The following PHACTR2 variants were observed in gnomAD, a reference collection of about 807,000 sequenced individuals.
The protein encoded by PHACTR2 is phosphatase and actin regulator 2, also known as chromosome 6 open reading frame 56.
A neutral mutation model predicts 76.0 loss-of-function variants in PHACTR2; 30 were observed. The ratio of observed to expected loss-of-function variants is 0.39; its 90% confidence interval spans 0.30 to 0.54. The LOEUF is 0.54. Ranked by LOEUF, PHACTR2 falls within the 20% of genes least tolerant of loss-of-function variation. The probability of loss-of-function intolerance (pLI) is 0.61; values close to 1 mark genes in which losing one functional copy is unlikely to be tolerated. For missense variants in PHACTR2, 696 were observed against 781.1 expected (o/e 0.89, Z 1.30); for synonymous variants, 292 against 292.5 (o/e 1.00, Z 0.02).
Position 143,816,111 on chromosome 6 carries a change from C to T in PHACTR2, c.1923-7563C>T, listed in dbSNP as rs1057246663. ...AATATGTATGACTTTAGATTGGAGT[C>T]TCAGGAAAGTTCTGAAAAGAGGGTG... On this transcript the variant is annotated intron_variant, in intron 12 of 12. Transcript: ENST00000440869. The surrounding 1 kb of genome is among the most constrained non-coding windows in gnomAD (Gnocchi z 4.5). Among the ~76,000 whole-genome samples, 2 of 151,932 alleles carry T rather than the reference C, an allele frequency of 1.3e-5. No individual in the cohort carries two copies. Among genetic ancestry groups the T allele is most frequent in the Non-Finnish European group, 2.9e-5 (2 of 68,012 alleles).
rs1179230545 is a variant in PHACTR2, at chr6:143,708,042, C to T, written c.47-3974C>T. Among the ~76,000 whole-genome samples the T allele has an allele frequency of 6.6e-6, 1 of 152,128 alleles. No individual in the cohort carries two copies. The highest frequency in any genetic ancestry group is 1.5e-5 in the Non-Finnish European group (1 of 68,026). ...ACTCTGCCACCATGATCCATACCTC[C>T]CACCAGGCTCCACCTCCAACACTGA... On this transcript the variant is annotated intron_variant, in intron 1 of 12. Coordinates refer to ENST00000440869, the MANE Select transcript of PHACTR2 (RefSeq NM_001100164.2). The surrounding 1 kb of genome is among the most constrained non-coding windows in gnomAD (Gnocchi z 5.5).
Position 143,683,844 on chromosome 6 carries a change from T to C in PHACTR2, c.46+5635T>C, listed in dbSNP as rs9403523. 0.22 allele frequency among the ~76,000 whole-genome samples: 32,985 copies of C among 152,132 alleles called. 3,786 individuals carry two copies. The highest frequency in any genetic ancestry group is 0.37 in the East Asian group (1,921 of 5,176). ...GAATCCTCCAGTCCCACTTTTCATCTATAACCCAGCATGAACAGTTTTTTT... is the reference window on the plus strand; with the variant it reads ...GAATCCTCCAGTCCCACTTTTCATCCATAACCCAGCATGAACAGTTTTTTT... On this transcript the variant is annotated intron_variant, in intron 1 of 12. Coordinates refer to ENST00000440869, the MANE Select transcript of PHACTR2 (RefSeq NM_001100164.2). The surrounding 1 kb of genome is among the most constrained non-coding windows in gnomAD (Gnocchi z 4.1).
At position 143,689,753 on chromosome 6, in the gene PHACTR2, C is replaced by T. The variant is rs1229833451; in HGVS notation, c.46+11544C>T. On this transcript the variant is annotated intron_variant, in intron 1 of 12. Transcript: ENST00000440869. This position sits in a 1 kb window ranked among gnomAD's most constrained non-coding sequence, Gnocchi z 4.4. ...TGTTGCCCAGGCTGGAGTGCAGTGG[C>T]CTGATTTCAGCTCACTGCAACCTCC... Among the ~76,000 whole-genome samples the T allele has an allele frequency of 2.0e-5, 3 of 149,004 alleles. No individual in the cohort carries two copies. The East Asian group carries it at 5.9e-4, about 29-fold the overall frequency.
In PHACTR2 at chr6:143,789,793, T is replaced by C. The variant is rs1464145347; in HGVS notation, c.1845+883T>C. Among the ~76,000 whole-genome samples the C allele has an allele frequency of 6.6e-6, 1 of 152,194 alleles. No individual in the cohort carries two copies. Among genetic ancestry groups the C allele is most frequent in the African/African-American group, 2.4e-5 (1 of 41,448 alleles). ...GCTTCATTATTTAAAATACCTGCTA[T>C]GCATCAAGCATATACTGGAGATACA... On this transcript the variant is annotated intron_variant, in intron 11 of 12. Transcript: ENST00000440869. This position sits in a 1 kb window ranked among gnomAD's most constrained non-coding sequence, Gnocchi z 5.1.
At chr6:143,694,999 G>T (rs776809135) in intron 1 of PHACTR2, among the ~76,000 whole-genome samples, 4 of 152,144 alleles carry the variant, frequency 2.6e-5, no homozygotes, top group Non-Finnish European at 5.9e-5. Context: ...ATTGAAAAAG[G>T]TCCCTCAAGC....
Position 143,770,128 on chromosome 6 carries a change from A to C in PHACTR2, c.1233-2130A>C, listed in dbSNP as rs1282212725. Among the ~76,000 whole-genome samples the C allele has an allele frequency of 2.0e-5, 3 of 152,230 alleles. No homozygotes were observed. In the East Asian group the frequency reaches 5.8e-4, roughly 29 times the overall value. Reference sequence around the variant, plus strand: ...GTATTGATTGGTGAATGGATAAACAAAATGTGTTATATACATAGAGTGGAA... The same window carrying C: ...GTATTGATTGGTGAATGGATAAACACAATGTGTTATATACATAGAGTGGAA... On this transcript the variant is annotated intron_variant, in intron 6 of 12. Transcript: ENST00000440869.
Position 143,783,407 on chromosome 6 carries a change from T to C in PHACTR2, c.1707+127T>C, listed in dbSNP as rs1298456639. The C allele has an allele frequency of 3.6e-6, 2 of 551,514 alleles. No individual in the cohort carries two copies. The highest frequency in any genetic ancestry group is 6.4e-6 in the Non-Finnish European group (2 of 312,092). The allele number at this position is 551,514 out of a possible 1,614,324, so 34.2% of individuals were successfully genotyped here. ...AATTATTCCTATTAGTCTATAATCA[T>C]AGACATCAAAATCACAAGCCTGGGC... On this transcript the variant is annotated intron_variant, in intron 10 of 12. Coordinates refer to ENST00000440869, the MANE Select transcript of PHACTR2 (RefSeq NM_001100164.2). This position sits in a 1 kb window ranked among gnomAD's most constrained non-coding sequence, Gnocchi z 5.2.
intron 1 of PHACTR2, among the ~76,000 whole-genome samples, chr6:143,576,613 A>C (rs559744362): frequency 1.3e-5 from 2 of 152,340 alleles, no homozygotes; most frequent in African/African-American, 2.4e-5. Flanking sequence ...GCGGTGGCTC[A>C]GGCCTGTAAT....
At position 143,730,769 on chromosome 6, in the gene PHACTR2, A is replaced by G. The variant is rs913108427; in HGVS notation, c.215-18216A>G. Among the ~76,000 whole-genome samples, 1 of 152,108 alleles carries G rather than the reference A, an allele frequency of 6.6e-6. No homozygotes were observed. Among genetic ancestry groups the G allele is most frequent in the African/African-American group, 2.4e-5 (1 of 41,436 alleles). ...TTTTGTGTGTGTTTGTTTGTTTGAG[A>G]CGGAGTCTTGCTCTGTGGCCCAGGC... is the stretch of plus-strand genomic sequence containing the variant. On this transcript the variant is annotated intron_variant, in intron 2 of 12. Transcript: ENST00000440869. The surrounding 1 kb of genome is among the most constrained non-coding windows in gnomAD (Gnocchi z 4.8).
At chr6:143,706,143 T>C (rs989454363) in intron 1 of PHACTR2, among the ~76,000 whole-genome samples, 1 of 152,170 alleles carries the variant, frequency 6.6e-6, no homozygotes, top group Admixed American at 6.5e-5. Flanking sequence ...TTAACCTACC[T>C]CCTCCCATCA....
At position 143,712,196 on chromosome 6, in the gene PHACTR2, T is replaced by C. The variant is rs1209700940; in HGVS notation, c.214+13T>C. ...GAAACCTCGGCAGGTATGAGTATCA[T>C]AACTTGTTAGAAGATGGGATAAATT... On this transcript the variant is annotated intron_variant, in intron 2 of 12. Transcript: ENST00000440869. The C allele has an allele frequency of 7.0e-7, 1 of 1,422,356 alleles. No homozygotes were observed. The highest frequency in any genetic ancestry group is 9.3e-7 in the Non-Finnish European group (1 of 1,079,598). The allele number at this position is 1,422,356 out of a possible 1,614,324, so 88.1% of individuals were successfully genotyped here. A position where few individuals can be genotyped will look rare whatever the true frequency, so the allele number is the denominator to read the frequency against.
chr6:143,754,050 G>C lies in PHACTR2; in HGVS notation c.454+138G>C. ...TTACAAATAGAAAAAAGAAAGAAATGATAACTAGTAAAGTGAAATCGGATG... is the reference window on the plus strand; with the variant it reads ...TTACAAATAGAAAAAAGAAAGAAATCATAACTAGTAAAGTGAAATCGGATG... On this transcript the variant is annotated intron_variant, in intron 4 of 12. Coordinates refer to ENST00000440869, the MANE Select transcript of PHACTR2 (RefSeq NM_001100164.2). This position sits in a 1 kb window ranked among gnomAD's most constrained non-coding sequence, Gnocchi z 6.2. 2.1e-6 allele frequency: 1 copy of C among 470,558 alleles called. No individual in the cohort carries two copies. The highest frequency in any genetic ancestry group is 3.7e-6 in the Non-Finnish European group (1 of 271,216). The allele number at this position is 470,558 out of a possible 1,614,324, so 29.1% of individuals were successfully genotyped here.
rs952998459 is a variant in PHACTR2 at position 143,809,124 on chromosome 6, T to C, written c.1922+1991T>C. ...TGCTTCTGCATAGTTTTCCTAGAAG[T>C]TGGAGTATCTGATAGCCTTATCTTC... On this transcript the variant is annotated intron_variant, in intron 12 of 12. Transcript: ENST00000440869. This position sits in a 1 kb window ranked among gnomAD's most constrained non-coding sequence, Gnocchi z 4.2. Among the ~76,000 whole-genome samples the C allele has an allele frequency of 6.6e-6, 1 of 152,202 alleles. No individual in the cohort carries two copies. The highest frequency in any genetic ancestry group is 1.9e-4 in the East Asian group (1 of 5,200).
rs565260677 is a variant in PHACTR2 at position 143,679,620 on chromosome 6, T to G, written c.46+1411T>G. On this transcript the variant is annotated intron_variant, in intron 1 of 12. Transcript: ENST00000440869. This position sits in a 1 kb window ranked among gnomAD's most constrained non-coding sequence, Gnocchi z 4.6. Reference sequence around the variant, plus strand: ...CAAGAGTATACAGAAAGTATTGTCCTGAATTTAGTGATTTTATCACAAAAT... The same window carrying G: ...CAAGAGTATACAGAAAGTATTGTCCGGAATTTAGTGATTTTATCACAAAAT... Among the ~76,000 whole-genome samples the G allele has an allele frequency of 2.6e-5, 4 of 152,336 alleles. No homozygotes were observed. Among genetic ancestry groups the G allele is most frequent in the African/African-American group, 9.6e-5 (4 of 41,574 alleles).
Position 143,753,058 on chromosome 6 carries a change from TG to T in PHACTR2, c.296-695del, listed in dbSNP as rs1291433421. Among the ~76,000 whole-genome samples the T allele has an allele frequency of 6.6e-6, 1 of 151,826 alleles. No homozygotes were observed. The highest frequency in any genetic ancestry group is 1.5e-5 in the Non-Finnish European group (1 of 67,924). On this transcript the variant is annotated intron_variant, in intron 3 of 12. Coordinates refer to ENST00000440869, the MANE Select transcript of PHACTR2 (RefSeq NM_001100164.2). This position sits in a 1 kb window ranked among gnomAD's most constrained non-coding sequence, Gnocchi z 4.6. ...TCCTTTGTGATTACTTTTTTATGTG[TG>T]TTTTTTTTTTCTCGAATGTTTTCAA...
intron 1 of PHACTR2, among the ~76,000 whole-genome samples, chr6:143,644,583 G>A (rs771493600): frequency 3.4e-5 from 5 of 149,196 alleles, no homozygotes; most frequent in Admixed American, 6.7e-5. Context: ...TTTTTTTTTA[G>A]CATAATTCAT....
At chr6:143,790,418 A>G (rs1218276753) in intron 11 of PHACTR2, among the ~76,000 whole-genome samples, 1 of 152,170 alleles carries the variant, frequency 6.6e-6, no homozygotes, top group Non-Finnish European at 1.5e-5. Flanking sequence ...TGAAAGAGGC[A>G]AGGAGCAGAC....
At chr6:143,629,065 A>G (rs1776315013) in intron 1 of PHACTR2, among the ~76,000 whole-genome samples, 1 of 150,502 alleles carries the variant, frequency 6.6e-6, no homozygotes, top group African/African-American at 2.4e-5. Flanking sequence ...TTCAGTAAGT[A>G]CAGAAGATAA....
chr6:143,657,703 C>A (rs766164955), intron 1 of PHACTR2, among the ~76,000 whole-genome samples: 4 of 152,182 alleles, frequency 2.6e-5, no homozygotes, highest in Admixed American at 2.6e-4. Flanking sequence ...CCAGCCCCAG[C>A]CTCAGTGCAT....
Sources: gnomAD v4.1 joint callset for allele counts (sites outside exome capture counted in the v4.1 genomes callset) on GRCh38, gnomAD v4.1.1 for gene constraint, Gnocchi (gnomAD v3.1) non-coding constraint, MANE v1.5 for transcripts, NCBI Gene and HGNC (gene_info 2026-07-23, HGNC 2026-07-21) for gene names.